Variants in LRP1 observed in about 807,000 individuals in gnomAD.
LRP1 encodes prolow-density lipoprotein receptor-related protein 1.
A neutral mutation model predicts 541.5 loss-of-function variants in LRP1; 51 were observed. The observed-to-expected ratio is 0.09, with a 90% CI of 0.08 to 0.12. LRP1 has a LOEUF of 0.12. LRP1 is among the 10% of genes least tolerant of loss of function. The probability of loss-of-function intolerance (pLI) is 1.00; values close to 1 mark genes in which losing one functional copy is unlikely to be tolerated. For synonymous variants in LRP1, 2,219 were observed against 2,470.8 expected, an observed-to-expected ratio of 0.90 and a Z score of 3.02; for missense variants, 3,878 against 6,376.2, an observed-to-expected ratio of 0.61 and a Z score of 13.34.
Position 57,202,543 on chromosome 12 carries a change from T to TGGGGGCGC in LRP1, c.10711+6_10711+7insGGGGGCGC. ...CTCCGATGAAGAGAGCTGCAGTACG[T>TGGGGGCGC]CCCCACCCACCCAGCCCCGCATGAG... On this transcript the variant is annotated splice_region_variant and intron_variant, in intron 68 of 88. Transcript: ENST00000243077. 1 of 1,523,634 alleles carries TGGGGGCGC rather than the reference T, an allele frequency of 6.6e-7. No homozygotes were observed. The highest frequency in any genetic ancestry group is 8.9e-7 in the Non-Finnish European group (1 of 1,124,810). The allele number at this position is 1,523,634 out of a possible 1,614,324, so 94.4% of individuals were successfully genotyped here. A position where few individuals can be genotyped will look rare whatever the true frequency, so the allele number is the denominator to read the frequency against.
chr12:57,173,256 G>C lies in LRP1; in HGVS notation c.3252G>C (p.Gly1084=). 1 of 1,614,014 alleles carries C rather than the reference G, an allele frequency of 6.2e-7. No individual in the cohort carries two copies. The change falls in exon 21 of 89, where the codon GGG becomes GGC. Residue 1084 remains glycine, a synonymous_variant. Transcript: ENST00000243077. The surrounding 1 kb of genome is among the most constrained non-coding windows in gnomAD (Gnocchi z 4.7). ...LCIPLRWRCD[G]DTDCMDSSDE... ...TCCCCCTGCGGTGGCGCTGCGATGGGGACACTGACTGCATGGACTCCAGCG... is the reference window on the plus strand; with the variant it reads ...TCCCCCTGCGGTGGCGCTGCGATGGCGACACTGACTGCATGGACTCCAGCG...
intron 3 of LRP1, among the ~76,000 whole-genome samples, chr12:57,142,980 C>T (rs2035326846): frequency 6.6e-6 from 1 of 152,060 alleles, no homozygotes; most frequent in South Asian, 2.1e-4. Context: ...TCTTTGTGGC[C>T]AGGCTGCCTG....
In LRP1 at chr12:57,184,916, G is replaced by A. The variant is rs1592641458; in HGVS notation, c.6264G>A (p.Glu2088=). 3.1e-6 allele frequency: 5 copies of A among 1,614,098 alleles called. No individual in the cohort carries two copies. The highest frequency in any genetic ancestry group is 2.2e-5 in the South Asian group (2 of 91,082). Residue 2088 remains glutamate (E), a synonymous_variant, in exon 39 of 89, where the codon GAG becomes GAA. Transcript: ENST00000243077. The surrounding 1 kb of genome is among the most constrained non-coding windows in gnomAD (Gnocchi z 7.8). ...ACCTGGAGACAGGTGAGAACCGCGA[G>A]GTGGTTCTGTCCAGCAACAACATGG... is the stretch of plus-strand genomic sequence containing the variant. The part of the protein sequence containing the change: ...RIDLETGENR[E]VVLSSNNMDM...
intron 17 of LRP1, 57 bp from the exon 18 acceptor site, chr12:57,166,873 G>A: frequency 1.1e-6 from 1 of 870,500 alleles, no homozygotes; most frequent in African/African-American, 1.6e-5. Context: ...TAGGGAAGAA[G>A]AGGCAGTGAA....
chr12:57,152,728 T>G (rs976849773), intron 6 of LRP1, among the ~76,000 whole-genome samples: 1 of 152,134 alleles, frequency 6.6e-6, no homozygotes, highest in Non-Finnish European at 1.5e-5. Context: ...ATACCTCGTC[T>G]CTGTGGCCTT....
At chr12:57,180,635 C>T (rs1446069343) in intron 32 of LRP1, 32 bp from the exon 33 acceptor site, 1 of 1,613,216 alleles carries the variant, frequency 6.2e-7, no homozygotes, top group Non-Finnish European at 8.5e-7. Context: ...GTGGGGCCTT[C>T]CCAAGGGTCT....
chr12:57,182,121 C>G (rs574447954), intron 34 of LRP1, among the ~76,000 whole-genome samples: 1 of 152,148 alleles, frequency 6.6e-6, no homozygotes, highest in African/African-American at 2.4e-5. Context: ...TCTGAGCAAC[C>G]AGGGACCATG....
Position 57,175,505 on chromosome 12 carries a change from T to A in LRP1, c.3593T>A (p.Val1198Glu). ...NNGGCSHNCSVAPGEGIVCSC... is the reference protein window; with the variant it reads ...NNGGCSHNCSEAPGEGIVCSC... The stretch of plus-strand genomic sequence containing the variant: ...GGTGGCTGCAGCCACAACTGCTCAG[T>A]GGCACCTGGCGAAGGCATTGTGTGT... Residue 1198 changes from valine (V) to glutamate (E), a missense_variant, in exon 23 of 89, where the codon GTG (valine) becomes GAG (glutamate). By Grantham distance (121) the Val-to-Glu change is moderately radical (BLOSUM62 -2). Around this residue, in one of 13 missense-constraint regions of LRP1, gnomAD observed 320 missense variants for 547.9 expected, o/e 0.58. Transcript: ENST00000243077. 1 of 1,613,988 alleles carries A rather than the reference T, an allele frequency of 6.2e-7. No homozygotes were observed.
At chr12:57,193,524 C>T (rs1373467084) in intron 46 of LRP1, 42 bp from the exon 47 acceptor site, 1 of 1,603,072 alleles carries the variant, frequency 6.2e-7, no homozygotes, top group Non-Finnish European at 8.5e-7. Context: ...AGCCCTTTCC[C>T]TGTGCCTGTG....
Position 57,202,421 on chromosome 12 carries a change from A to G in LRP1, c.10595A>G (p.Asp3532Gly). ...DGSDEPKEEC[D>G]ERTCEPYQFR... ...CTGCCCTGACACTTGCCTCCTCCAG[A>G]TGAACGCACCTGTGAGCCATACCAG... The change falls in exon 68 of 89, where the codon GAT becomes GGT. Residue 3532 changes from aspartate to glycine, a missense_variant and splice_region_variant. Asp to Gly is a moderately conservative substitution (Grantham distance 94). This residue lies in a region of LRP1 where 278 missense variants were observed against 536.3 expected (regional missense o/e 0.52). Coordinates refer to ENST00000243077, the MANE Select transcript of LRP1 (RefSeq NM_002332.3). The G allele has an allele frequency of 6.2e-7, 1 of 1,611,262 alleles. No individual in the cohort carries two copies.
chr12:57,178,770 G>T lies in LRP1; in HGVS notation c.4607-120G>T, dbSNP rs967860087. On this transcript the variant is annotated intron_variant, in intron 27 of 88. Transcript: ENST00000243077. This position sits in a 1 kb window ranked among gnomAD's most constrained non-coding sequence, Gnocchi z 5.8. ...AGGCACTGTCTAGCAGCAGAGAAGG[G>T]TCTAGTAGTAGCGGCTGCTGGAACA... is the stretch of plus-strand genomic sequence containing the variant. 44 of 1,508,006 alleles carry T rather than the reference G, an allele frequency of 2.9e-5. No homozygotes were observed. The highest frequency in any genetic ancestry group is 4.5e-5 in the East Asian group (2 of 44,298). The allele number at this position is 1,508,006 out of a possible 1,614,324, so 93.4% of individuals were successfully genotyped here.
chr12:57,192,402 G>T (rs1167916877), intron 44 of LRP1, among the ~76,000 whole-genome samples: 1 of 151,998 alleles, frequency 6.6e-6, no homozygotes, highest in Non-Finnish European at 1.5e-5. Flanking sequence ...CCTCACCCTG[G>T]TCACTCTCCT....
At position 57,177,193 on chromosome 12, in the gene LRP1, C is replaced by A. The variant is rs749929105; in HGVS notation, c.4144C>A (p.Leu1382Met). 1 of 1,614,234 alleles carries A rather than the reference C, an allele frequency of 6.2e-7. No homozygotes were observed. Among genetic ancestry groups the A allele is most frequent in the Non-Finnish European group, 8.5e-7 (1 of 1,180,044 alleles). The change falls in exon 25 of 89, where the codon CTG becomes ATG. Residue 1382 changes from leucine to methionine, a missense_variant. Physicochemically the swap from Leu to Met is conservative, Grantham distance 15 (BLOSUM62 2). This residue lies in a region of LRP1 where 24 missense variants were observed against 109.1 expected (regional missense o/e 0.22). Transcript: ENST00000243077. This position sits in a 1 kb window ranked among gnomAD's most constrained non-coding sequence, Gnocchi z 6.8. ...KLDGTLRTTL[L>M]AGDIEHPRAI... is the part of the protein sequence containing the mutation. Reference sequence around the variant, plus strand: ...GGATGGGACCCTCCGGACCACCCTGCTGGCCGGTGACATTGAGCACCCAAG... The same window carrying A: ...GGATGGGACCCTCCGGACCACCCTGATGGCCGGTGACATTGAGCACCCAAG...
rs367663013 is a variant in LRP1, at chr12:57,203,262, A to T, written c.10793A>T (p.His3598Leu). ...GGGCGCTGGAAATGCGATGGAGACC[A>T]CGACTGCGCGGACGGCTCGGACGAG... is the stretch of plus-strand genomic sequence containing the variant. ...IAGRWKCDGD[H>L]DCADGSDEKD... Residue 3598 changes from histidine (H) to leucine (L), a missense_variant, in exon 69 of 89, where the codon CAC becomes CTC. Physicochemically the swap from His to Leu is moderately conservative, Grantham distance 99. Around this residue, in one of 13 missense-constraint regions of LRP1, gnomAD observed 278 missense variants for 536.3 expected, o/e 0.52. Transcript: ENST00000243077. 3.7e-5 allele frequency: 60 copies of T among 1,610,274 alleles called. No homozygotes were observed. The highest frequency in any genetic ancestry group is 4.9e-5 in the Non-Finnish European group (58 of 1,177,854).
rs372204621 is a variant in LRP1 at position 57,198,365 on chromosome 12, G to A, written c.9470+22G>A. 2.8e-4 allele frequency: 450 copies of A among 1,608,584 alleles called. 1 individual carries two copies. The African/African-American group carries it at 5.6e-3, about 20-fold the overall frequency. On this transcript the variant is annotated intron_variant, in intron 59 of 88. Coordinates refer to ENST00000243077, the MANE Select transcript of LRP1 (RefSeq NM_002332.3). Reference sequence around the variant, plus strand: ...ATGGGTATGTGGCTGAGGAGGGTTGGGGGAGCCCCTGAAAGCAGCATCCAA... The same window carrying A: ...ATGGGTATGTGGCTGAGGAGGGTTGAGGGAGCCCCTGAAAGCAGCATCCAA...
At chr12:57,139,051 C>G (rs2035233352) in intron 2 of LRP1, among the ~76,000 whole-genome samples, 1 of 152,234 alleles carries the variant, frequency 6.6e-6, no homozygotes, top group African/African-American at 2.4e-5. Flanking sequence ...CCCGCCTTCC[C>G]CTGCCCCCAG....
chr12:57,210,658 T>C (rs2036891011), intron 82 of LRP1, 60 bp from the exon 83 acceptor site: 1 of 1,557,010 alleles, frequency 6.4e-7, no homozygotes. Flanking sequence ...CCCATTCCTC[T>C]GCTATAGGGC....
At position 57,190,829 on chromosome 12, in the gene LRP1, T is replaced by A; in HGVS notation, c.7056T>A (p.Asn2352Lys). ...GCCTCATGTTCTGGACCAACTGGAA[T>A]GAGCAGCATCCCAGCATCATGCGGG... ...CQNLMFWTNW[N>K]EQHPSIMRAA... The change falls in exon 43 of 89, where the codon AAT (asparagine) becomes AAA (lysine). Residue 2352 changes from asparagine (N) to lysine (K), a missense_variant. Physicochemically the swap from Asn to Lys is moderately conservative, Grantham distance 94. Transcript: ENST00000243077. 4 of 1,613,978 alleles carry A rather than the reference T, an allele frequency of 2.5e-6. No individual in the cohort carries two copies. The highest frequency in any genetic ancestry group is 2.5e-6 in the Non-Finnish European group (3 of 1,179,984).
At position 57,183,272 on chromosome 12, in the gene LRP1, G is replaced by C. The variant is rs548802512; in HGVS notation, c.5663-107G>C. 87 of 1,222,470 alleles carry C rather than the reference G, an allele frequency of 7.1e-5. No homozygotes were observed. The highest frequency in any genetic ancestry group is 3.6e-4 in the South Asian group (26 of 72,324). The allele number at this position is 1,222,470 out of a possible 1,614,324, so 75.7% of individuals were successfully genotyped here. A position where few individuals can be genotyped will look rare whatever the true frequency, so the allele number is the denominator to read the frequency against. Reference sequence around the variant, plus strand: ...TGGGTGGAGGATAGGGATGATGGTGGGGGGGGATGATATCAAAGGAGAAGC... The same window carrying C: ...TGGGTGGAGGATAGGGATGATGGTGCGGGGGGATGATATCAAAGGAGAAGC... On this transcript the variant is annotated intron_variant, in intron 34 of 88. Coordinates refer to ENST00000243077, the MANE Select transcript of LRP1 (RefSeq NM_002332.3). This position sits in a 1 kb window ranked among gnomAD's most constrained non-coding sequence, Gnocchi z 6.1.
Sources: gnomAD v4.1 joint callset for allele counts (sites outside exome capture counted in the v4.1 genomes callset) on GRCh38, gnomAD v4.1.1 for gene constraint, gnomAD v4.1.1 regional missense constraint, Gnocchi (gnomAD v3.1) non-coding constraint, MANE v1.5 for transcripts, NCBI Gene and HGNC (gene_info 2026-07-23, HGNC 2026-07-21) for gene names.